The following ELMOD1 variants were observed in gnomAD, a reference collection of about 807,000 sequenced individuals.
The protein encoded by ELMOD1 is ELMO domain-containing protein 1.
In ELMOD1, 21 loss-of-function variants were observed where a neutral mutation model predicts 46.7. That is an observed-to-expected ratio of 0.45 (90% CI 0.32 to 0.65). The LOEUF is 0.65. ELMOD1 is among the 30% of genes least tolerant of loss of function. The probability of loss-of-function intolerance (pLI) is 0.04; values close to 1 mark genes in which losing one functional copy is unlikely to be tolerated. For missense variants in ELMOD1, 348 were observed against 407.8 expected, an observed-to-expected ratio of 0.85 and a Z score of 1.26; for synonymous variants, 122 against 138.2, an observed-to-expected ratio of 0.88 and a Z score of 0.82.
At chr11:107,658,159 C>A (rs1565392224) in intron 11 of ELMOD1, among the ~76,000 whole-genome samples, 5 of 152,100 alleles carry the variant, frequency 3.3e-5, no homozygotes, top group Admixed American at 3.3e-4. Flanking sequence ...GATCAATAAC[C>A]AAAATAATCA....
intron 1 of ELMOD1, among the ~76,000 whole-genome samples, chr11:107,609,434 A>G (rs1424595483): frequency 6.6e-6 from 1 of 152,238 alleles, no homozygotes; most frequent in Non-Finnish European, 1.5e-5. Context: ...AGAGCTACGC[A>G]GAAAGTAGCT....
chr11:107,604,435 T>A (rs1330955069), intron 1 of ELMOD1, among the ~76,000 whole-genome samples: 2 of 152,196 alleles, frequency 1.3e-5, no homozygotes, highest in Non-Finnish European at 2.9e-5. Context: ...TGCAGGTCAT[T>A]AGTACTCATT....
chr11:107,601,261 A>G (rs1043150392), intron 1 of ELMOD1, among the ~76,000 whole-genome samples: 22 of 151,614 alleles, frequency 1.5e-4, no homozygotes, highest in African/African-American at 3.4e-4. Context: ...TCCTTTCTCA[A>G]TTCTCCCAAT....
intron 6 of ELMOD1, chr11:107,643,666 C>T (rs1331545109): frequency 1.9e-6 from 1 of 530,556 alleles, no homozygotes; most frequent in Non-Finnish European, 3.9e-6. Context: ...GGCAGAATTA[C>T]CTTAAATGTT....
intron 11 of ELMOD1, among the ~76,000 whole-genome samples, chr11:107,660,164 C>T (rs1215195103): frequency 6.6e-6 from 1 of 152,158 alleles, no homozygotes; most frequent in Non-Finnish European, 1.5e-5. Context: ...CTTGCAATTA[C>T]CTGTGTCCTT....
At chr11:107,647,644 G>A in intron 7 of ELMOD1, 43 bp downstream of exon 7, 2 of 1,589,806 alleles carry the variant, frequency 1.3e-6, no homozygotes, top group African/African-American at 1.3e-5. Flanking sequence ...GTGATGTTTT[G>A]GTCTCCTCAT....
intron 6 of ELMOD1, chr11:107,643,820 A>G (rs557305299): frequency 3.0e-4 from 96 of 316,576 alleles, no homozygotes; most frequent in Non-Finnish European, 5.6e-4. Flanking sequence ...TCGTCAGGCC[A>G]GGTGCCCAGC....
At chr11:107,655,795 C>A in intron 10 of ELMOD1, 138 bp from the exon 11 acceptor site, 1 of 918,632 alleles carries the variant, frequency 1.1e-6, no homozygotes, top group African/African-American at 1.7e-5. Context: ...CCTTTTAGAC[C>A]ATAAAGTGAC....
chr11:107,642,432 G>A (rs1184236873), intron 6 of ELMOD1, among the ~76,000 whole-genome samples: 2 of 146,646 alleles, frequency 1.4e-5, no homozygotes, highest in South Asian at 2.2e-4. Context: ...GCAGTGGCAC[G>A]ATCTCGGCTC....
At chr11:107,635,582 A>C in intron 5 of ELMOD1, 54 bp from the exon 6 acceptor site, 1 of 1,569,814 alleles carries the variant, frequency 6.4e-7, no homozygotes, top group Non-Finnish European at 8.6e-7. Flanking sequence ...AACAAATGCC[A>C]AAGTGAATGC....
chr11:107,650,800 TTTC>T, intron 8 of ELMOD1, 82 bp from the exon 9 acceptor site: 3 of 915,564 alleles, frequency 3.3e-6, no homozygotes, highest in South Asian at 1.8e-5. Flanking sequence ...AGGCTTTTTT[TTTC>T]TTTCTTTCTT....
In ELMOD1 at chr11:107,631,595, G is replaced by T; in HGVS notation, c.208G>T (p.Val70Leu). The change falls in exon 5 of 12, where the codon GTG becomes TTG. Residue 70 changes from valine (V) to leucine (L), a missense_variant. By Grantham distance (32) the Val-to-Leu change is conservative. Coordinates refer to ENST00000265840, the MANE Select transcript of ELMOD1 (RefSeq NM_018712.4). ...TGTTTTCCAGCTGTTGCAGACTTCT[G>T]TGAGTGTTCACCCCGACGCTATTGA... ...DSKSKLLQTS[V>L]SVHPDAIEKT... 1 of 1,560,310 alleles carries T rather than the reference G, an allele frequency of 6.4e-7. No individual in the cohort carries two copies. Among genetic ancestry groups the T allele is most frequent in the South Asian group, 1.2e-5 (1 of 83,440 alleles).
At chr11:107,650,802 T>A in intron 8 of ELMOD1, 83 bp from the exon 9 acceptor site, 1 of 919,586 alleles carries the variant, frequency 1.1e-6, no homozygotes, top group Non-Finnish European at 1.5e-6. Flanking sequence ...GCTTTTTTTT[T>A]CTTTCTTTCT....
chr11:107,602,914 G>C (rs760374256), intron 1 of ELMOD1, among the ~76,000 whole-genome samples: 6 of 152,030 alleles, frequency 3.9e-5, no homozygotes, highest in Admixed American at 6.6e-5. Context: ...TGCTTCTTTG[G>C]GGGAGAGCTA....
chr11:107,613,174 C>A (rs1865807630), intron 1 of ELMOD1, among the ~76,000 whole-genome samples: 1 of 152,136 alleles, frequency 6.6e-6, no homozygotes, highest in Non-Finnish European at 1.5e-5. Context: ...ACAAAATGAT[C>A]TTTTACTTTA....
At chr11:107,641,906 A>C (rs1866329360) in intron 6 of ELMOD1, among the ~76,000 whole-genome samples, 1 of 146,808 alleles carries the variant, frequency 6.8e-6, no homozygotes, top group Non-Finnish European at 1.5e-5. Context: ...AAACATTACT[A>C]CCTTTTTAGT....
chr11:107,592,903 TGCTTTTCTCCCA>T (rs1158309824), intron 1 of ELMOD1: 10 of 153,060 alleles, frequency 6.5e-5, no homozygotes, highest in African/African-American at 2.4e-4. Context: ...AGAAAAAGCC[TGCTTTTCTCCCA>T]GCTTTGGTGA....
intron 1 of ELMOD1, among the ~76,000 whole-genome samples, chr11:107,615,340 A>G (rs1253989116): frequency 7.0e-6 from 1 of 142,864 alleles, no homozygotes; most frequent in Non-Finnish European, 1.5e-5. Context: ...GGTTCAAGCG[A>G]TTCTCCTGCC....
Position 107,593,687 on chromosome 11 carries a change from TC to T in ELMOD1, c.-86+2279del, listed in dbSNP as rs1350939850. On this transcript the variant is annotated intron_variant, in intron 1 of 11. Coordinates refer to ENST00000265840, the MANE Select transcript of ELMOD1 (RefSeq NM_018712.4). ...TGGGCTGCCCAGTTAAATTTGAATT[TC>T]AGATAAACAGTGAATTATTGTTTTT... is the stretch of plus-strand genomic sequence containing the variant. 2.0e-4 allele frequency among the ~76,000 whole-genome samples: 31 copies of T among 152,356 alleles called. No homozygotes were observed. In the East Asian group the frequency reaches 4.8e-3, roughly 24 times the overall value.
Sources: allele counts gnomAD v4.1 joint callset (sites outside exome capture counted in the v4.1 genomes callset), GRCh38; gene constraint gnomAD v4.1.1; transcripts MANE v1.5; gene names NCBI Gene and HGNC (gene_info 2026-07-23, HGNC 2026-07-21).